HSF5: variants seen among roughly 807,000 people sequenced by gnomAD.
HSF5 encodes heat shock factor protein 5.
In HSF5, 5 loss-of-function variants were observed where a neutral mutation model predicts 50.8. The ratio of observed to expected loss-of-function variants is 0.10; its 90% CI spans 0.05 to 0.21. The LOEUF (loss-of-function observed/expected upper bound fraction) is 0.21, where lower values mean the gene tolerates loss of function less well. Among genes scored for constraint, HSF5 ranks in the 10% least tolerant of loss-of-function variants. HSF5 has a pLI of 1.00. For missense variants in HSF5, 564 were observed against 762.6 expected (o/e 0.74, Z 3.07); for synonymous variants, 307 against 307.4 (o/e 1.00, Z 0.02).
intron 2 of HSF5, among the ~76,000 whole-genome samples, chr17:58,477,462 CTTT>C (rs34369632): frequency 1.2e-4 from 14 of 119,514 alleles, no homozygotes; most frequent in Admixed American, 3.4e-4. Flanking sequence ...CTCCATTCCC[CTTT>C]TTTTTTTTTT....
chr17:58,472,880 A>G (rs903946929), intron 2 of HSF5, among the ~76,000 whole-genome samples: 5 of 152,160 alleles, frequency 3.3e-5, no homozygotes, highest in African/African-American at 7.2e-5. Context: ...AACCCAGAGC[A>G]ATCCCAATGC....
chr17:58,447,420 C>T (rs1974574709), intron 5 of HSF5, among the ~76,000 whole-genome samples: 2 of 152,326 alleles, frequency 1.3e-5, no homozygotes, highest in South Asian at 4.1e-4. Flanking sequence ...TGGTACTGTG[C>T]TGCTCTGTGA....
intron 5 of HSF5, among the ~76,000 whole-genome samples, chr17:58,454,331 A>G (rs1208280799): frequency 6.6e-6 from 1 of 152,196 alleles, no homozygotes; most frequent in African/African-American, 2.4e-5. Flanking sequence ...GAAAGAACAT[A>G]CCTCAACACG....
At chr17:58,485,749 A>G (rs1444328133) in intron 1 of HSF5, among the ~76,000 whole-genome samples, 1 of 149,998 alleles carries the variant, frequency 6.7e-6, no homozygotes, top group African/African-American at 2.5e-5. Context: ...CCTATCTCAA[A>G]AAAAAAAAAA....
At position 58,458,896 on chromosome 17, in the gene HSF5, G is replaced by A. The variant is rs117817367; in HGVS notation, c.1592C>T (p.Pro531Leu). 0.019 allele frequency: 29,938 copies of A among 1,613,908 alleles called. 354 individuals carry two copies. The highest frequency in any genetic ancestry group is 0.023 in the Non-Finnish European group (26,701 of 1,179,904). The change falls in exon 5 of 6, where the codon CCG becomes CTG. Residue 531 changes from proline (P) to leucine (L), a missense_variant. Pro to Leu is a moderately conservative substitution (Grantham distance 98). Transcript: ENST00000323777. ...CQTSSRENIL[P>L]SEQMGFLISE... Reference sequence around the variant, plus strand: ...AATGAGGAATCCCATCTGTTCTGACGGCAAGATATTCTCACGTGAACTGGT... The same window carrying A: ...AATGAGGAATCCCATCTGTTCTGACAGCAAGATATTCTCACGTGAACTGGT...
Position 58,487,979 on chromosome 17 carries a change from C to T in HSF5, c.296G>A (p.Gly99Asp). 1.2e-6 allele frequency: 2 copies of T among 1,609,938 alleles called. No individual in the cohort carries two copies. The highest frequency in any genetic ancestry group is 2.2e-5 in the East Asian group (1 of 44,672). The change falls in exon 1 of 6, where the codon GGC (glycine) becomes GAC (aspartate). Residue 99 changes from glycine (G) to aspartate (D), a missense_variant. By Grantham distance (94) the Gly-to-Asp change is moderately conservative. Around this residue, in one of 5 missense-constraint regions of HSF5, gnomAD observed 29 missense variants for 24.7 expected, o/e 1.18. Transcript: ENST00000323777. Reference sequence around the variant, plus strand: ...CGGCCCATTGCCTGCCGGTTTGCCGCCCCCCGGCCCGCCCAGCACCACCTT... The same window carrying T: ...CGGCCCATTGCCTGCCGGTTTGCCGTCCCCCGGCCCGCCCAGCACCACCTT... ...FRKVVLGGPG[G>D]GKPAGNGPLH... is the part of the protein sequence containing the mutation.
At chr17:58,487,347 C>T (rs961516870) in intron 1 of HSF5, among the ~76,000 whole-genome samples, 1 of 152,228 alleles carries the variant, frequency 6.6e-6, no homozygotes, top group African/African-American at 2.4e-5. Context: ...ACTACTGAGT[C>T]CACATGTTTA....
At chr17:58,449,954 C>T (rs560004325) in intron 5 of HSF5, among the ~76,000 whole-genome samples, 2,339 of 139,558 alleles carry the variant, frequency 0.017, 62 homozygotes, top group African/African-American at 0.059. Context: ...ACCCGGGAGA[C>T]GGAGCTTGCA....
At position 58,474,807 on chromosome 17, in the gene HSF5, C is replaced by A. The variant is rs982087752; in HGVS notation, c.925+5086G>T. On this transcript the variant is annotated intron_variant, in intron 2 of 5. Transcript: ENST00000323777. Reference sequence around the variant, plus strand: ...TCATGGCTTACTGCAGCCTCAAACTCCTAGGCTCAAGCAATCCTCCACCTC... The same window carrying A: ...TCATGGCTTACTGCAGCCTCAAACTACTAGGCTCAAGCAATCCTCCACCTC... Among the ~76,000 whole-genome samples the A allele has an allele frequency of 1.7e-4, 26 of 152,236 alleles. No homozygotes were observed. The Middle Eastern group carries it at 0.01, about 60-fold the overall frequency.
chr17:58,461,574 A>G (rs1974794372), intron 4 of HSF5, among the ~76,000 whole-genome samples: 1 of 152,268 alleles, frequency 6.6e-6, no homozygotes, highest in Admixed American at 6.5e-5. Flanking sequence ...ACACACAAAA[A>G]AAGATTTTAA....
intron 3 of HSF5, among the ~76,000 whole-genome samples, chr17:58,465,507 A>T (rs909107115): frequency 6.6e-6 from 1 of 152,094 alleles, no homozygotes. Flanking sequence ...TGAATGGGCT[A>T]GGATATCATG....
chr17:58,487,066 C>G (rs1182634084), intron 1 of HSF5, among the ~76,000 whole-genome samples: 1 of 152,024 alleles, frequency 6.6e-6, no homozygotes, highest in African/African-American at 2.4e-5. Flanking sequence ...CACCACCATG[C>G]CTGGCTAATT....
chr17:58,485,312 T>C (rs114160751), intron 1 of HSF5, among the ~76,000 whole-genome samples: 3,337 of 152,238 alleles, frequency 0.022, 118 homozygotes, highest in African/African-American at 0.076. Context: ...TTTACTCTCC[T>C]AGCTGAAGGT....
At chr17:58,472,290 G>T (rs2143795340) in intron 2 of HSF5, among the ~76,000 whole-genome samples, 2 of 152,180 alleles carry the variant, frequency 1.3e-5, no homozygotes, top group Middle Eastern at 6.8e-3. Flanking sequence ...AACAAAGCAA[G>T]ACCCTAGCTG....
chr17:58,479,427 T>C (rs1975069266), intron 2 of HSF5, among the ~76,000 whole-genome samples: 1 of 152,004 alleles, frequency 6.6e-6, no homozygotes, highest in South Asian at 2.1e-4. Context: ...CTCAGCCTCC[T>C]GAGTAGCTGG....
At chr17:58,474,167 T>C (rs1211178370) in intron 2 of HSF5, among the ~76,000 whole-genome samples, 1 of 152,242 alleles carries the variant, frequency 6.6e-6, no homozygotes, top group African/African-American at 2.4e-5. Context: ...ACTCACTAAA[T>C]ATTGGTTAAA....
chr17:58,485,232 C>T (rs369676204), intron 1 of HSF5, among the ~76,000 whole-genome samples: 1 of 151,680 alleles, frequency 6.6e-6, no homozygotes. Flanking sequence ...GGATTACAGG[C>T]GTGAGCCACC....
chr17:58,479,803 C>T, intron 2 of HSF5, 90 bp downstream of exon 2: 2 of 1,157,392 alleles, frequency 1.7e-6, no homozygotes, highest in Non-Finnish European at 1.2e-6. Context: ...TGTGTTAAAG[C>T]ACATAGACAT....
Position 58,480,188 on chromosome 17 carries a change from G to C in HSF5, c.630C>G (p.Ser210=), listed in dbSNP as rs1351572158. The change falls in exon 2 of 6, where the codon TCC becomes TCG. Residue 210 remains serine (S), a synonymous_variant. Coordinates refer to ENST00000323777, the MANE Select transcript of HSF5 (RefSeq NM_001080439.3). The stretch of plus-strand genomic sequence containing the variant: ...TCAGAGGGTAAGTACTGTGGTCGTG[G>C]GATGGAGTTGATACACAGGAGTAAG... ...LSPYSCVSTP[S]HDHSTYPLKG... The C allele has an allele frequency of 1.2e-6, 2 of 1,613,992 alleles. No homozygotes were observed. Among genetic ancestry groups the C allele is most frequent in the South Asian group, 1.1e-5 (1 of 91,086 alleles).
Sources: allele counts gnomAD v4.1 joint callset (sites outside exome capture counted in the v4.1 genomes callset), GRCh38; gene constraint gnomAD v4.1.1; regional missense constraint gnomAD v4.1.1; transcripts MANE v1.5; gene names NCBI Gene and HGNC (gene_info 2026-07-23, HGNC 2026-07-21).